The following TUSC3 variants were observed in gnomAD, a reference collection of about 807,000 sequenced individuals.
TUSC3 encodes dolichyl-diphosphooligosaccharide--protein glycosyltransferase subunit TUSC3.
In TUSC3, 45 loss-of-function variants were observed where a neutral mutation model predicts 44.8. The observed-to-expected ratio is 1.00, with a 90% CI of 0.79 to 1.29. TUSC3 has a LOEUF of 1.29. Among genes scored for constraint, TUSC3 ranks in the 50% most tolerant of loss-of-function variants. The pLI, the probability that TUSC3 is intolerant of heterozygous loss-of-function variation, is 0.00. For synonymous variants in TUSC3, 212 were observed against 152.9 expected (o/e 1.39, Z -2.85); for missense variants, 519 against 437.9 (o/e 1.19, Z -1.65).
At chr8:15,530,960 C>T (rs1261809731) in intron 2 of TUSC3, among the ~76,000 whole-genome samples, 3 of 152,176 alleles carry the variant, frequency 2.0e-5, no homozygotes, top group Non-Finnish European at 4.4e-5. Context: ...CCCCAGAAAA[C>T]ACTGCTTCAG....
At chr8:15,814,404 G>C in the TUSC3 span, among the ~76,000 whole-genome samples, 1 of 152,196 alleles carries the variant, frequency 6.6e-6, no homozygotes, top group Admixed American at 6.5e-5. Context: ...ATAGAGAAGT[G>C]AAGGAGATGC....
At chr8:15,684,471 G>A (rs1015853936) in intron 6 of TUSC3, among the ~76,000 whole-genome samples, 7 of 152,098 alleles carry the variant, frequency 4.6e-5, no homozygotes, top group Admixed American at 3.3e-4. Flanking sequence ...TGGGTCTCCC[G>A]CCAGTGTCTG....
At chr8:15,458,909 G>A (rs1000050104) in intron 1 of TUSC3, among the ~76,000 whole-genome samples, 1 of 152,136 alleles carries the variant, frequency 6.6e-6, no homozygotes, top group Non-Finnish European at 1.5e-5. Flanking sequence ...ACTTTTGAAA[G>A]GCCATTCTAA....
chr8:15,750,505 T>G (rs1176961923), intron 9 of TUSC3, among the ~76,000 whole-genome samples: 3 of 152,150 alleles, frequency 2.0e-5, no homozygotes, highest in African/African-American at 7.2e-5. Context: ...AGGAAGAGTT[T>G]AAGTTTGTAC....
chr8:15,585,742 C>T (rs897972226), intron 1 of TUSC3, among the ~76,000 whole-genome samples: 1 of 152,072 alleles, frequency 6.6e-6, no homozygotes, highest in African/African-American at 2.4e-5. Context: ...TTTACCTGTT[C>T]GACTGTCGGA....
At chr8:15,626,869 C>T (rs1288954210) in intron 2 of TUSC3, among the ~76,000 whole-genome samples, 4 of 152,284 alleles carry the variant, frequency 2.6e-5, no homozygotes, top group South Asian at 4.1e-4. Flanking sequence ...CTGCAGGTGC[C>T]CCTTGGCAAG....
intron 5 of TUSC3, among the ~76,000 whole-genome samples, chr8:15,665,801 C>A (rs1030143652): frequency 6.6e-6 from 1 of 151,150 alleles, no homozygotes; most frequent in South Asian, 2.1e-4. Flanking sequence ...TAAAGATATT[C>A]ATAAGTAAAT....
At chr8:15,462,797 C>T (rs1225880674) in intron 1 of TUSC3, among the ~76,000 whole-genome samples, 2 of 152,064 alleles carry the variant, frequency 1.3e-5, no homozygotes, top group African/African-American at 4.8e-5. Flanking sequence ...TAACTTCCAA[C>T]AGTGAGCAGA....
At chr8:15,453,630 G>A (rs1364053373) in intron 1 of TUSC3, among the ~76,000 whole-genome samples, 2 of 143,540 alleles carry the variant, frequency 1.4e-5, no homozygotes, top group Non-Finnish European at 3.2e-5. Flanking sequence ...GACTAGCCAA[G>A]ACACAGACAA....
chr8:15,778,106 A>G, the TUSC3 span, among the ~76,000 whole-genome samples: 2 of 149,516 alleles, frequency 1.3e-5, no homozygotes, highest in Admixed American at 6.6e-5. Context: ...AGGCAAAAAA[A>G]AAAAACAAAA....
chr8:15,834,194 A>C, the TUSC3 span, among the ~76,000 whole-genome samples: 2 of 152,058 alleles, frequency 1.3e-5, no homozygotes, highest in South Asian at 4.1e-4. Context: ...ACATTACATA[A>C]GTTTTCATTT....
chr8:15,779,816 C>T, the TUSC3 span, among the ~76,000 whole-genome samples: 2 of 152,152 alleles, frequency 1.3e-5, no homozygotes, highest in African/African-American at 4.8e-5. Context: ...CTGATTGTAA[C>T]TCTCACCAAA....
intron 2 of TUSC3, among the ~76,000 whole-genome samples, chr8:15,513,723 T>G (rs1488908472): frequency 6.6e-6 from 1 of 152,152 alleles, no homozygotes; most frequent in Non-Finnish European, 1.5e-5. Flanking sequence ...CATTTTCGCT[T>G]CCAGTCATAA....
At chr8:15,845,017 A>G in the TUSC3 span, among the ~76,000 whole-genome samples, 28 of 152,322 alleles carry the variant, frequency 1.8e-4, no homozygotes, top group African/African-American at 6.7e-4. Context: ...AGAACAGAAA[A>G]TGCAGTTAAT....
At chr8:15,434,714 T>C (rs983025048) in intron 1 of TUSC3, among the ~76,000 whole-genome samples, 1 of 149,518 alleles carries the variant, frequency 6.7e-6, no homozygotes, top group African/African-American at 2.5e-5. Context: ...GGCCCCGGTG[T>C]GTGATATTCC....
At chr8:15,467,517 C>T (rs901604707) in intron 1 of TUSC3, among the ~76,000 whole-genome samples, 5 of 152,090 alleles carry the variant, frequency 3.3e-5, no homozygotes, top group African/African-American at 9.7e-5. Flanking sequence ...GTTATTTGCA[C>T]TAATTGATCT....
intron 1 of TUSC3, among the ~76,000 whole-genome samples, chr8:15,622,495 A>G (rs1485177315): frequency 2.0e-5 from 3 of 152,114 alleles, no homozygotes; most frequent in Non-Finnish European, 4.4e-5. Flanking sequence ...TAGGAACAGA[A>G]TATTACTAAT....
chr8:15,477,969 T>C (rs754492179), intron 1 of TUSC3, among the ~76,000 whole-genome samples: 1 of 152,144 alleles, frequency 6.6e-6, no homozygotes, highest in Non-Finnish European at 1.5e-5. Context: ...TAAGTAATTT[T>C]ATGTTTTTGA....
chr8:15,793,157 T>G, the TUSC3 span, among the ~76,000 whole-genome samples: 1 of 152,226 alleles, frequency 6.6e-6, no homozygotes, highest in East Asian at 1.9e-4. Context: ...GCTCTGTGAC[T>G]TACTCTGACA....
Sources: gnomAD v4.1 joint callset for allele counts (sites outside exome capture counted in the v4.1 genomes callset) on GRCh38, gnomAD v4.1.1 for gene constraint, MANE v1.5 for transcripts, NCBI Gene and HGNC (gene_info 2026-07-23, HGNC 2026-07-21) for gene names.